The following PPP6C variants were observed in gnomAD, a reference collection of about 807,000 sequenced individuals.
PPP6C encodes the protein protein phosphatase 6 catalytic subunit.
In PPP6C, 11 loss-of-function variants were observed where a neutral mutation model predicts 39.8. That is an observed-to-expected ratio of 0.28 (90% CI 0.17 to 0.46). The LOEUF is 0.46. Among genes scored for constraint, PPP6C ranks in the 20% least tolerant of loss-of-function variants. The pLI, the probability that PPP6C is intolerant of heterozygous loss-of-function variation, is 1.00. For missense variants in PPP6C, 211 were observed against 373.9 expected (o/e 0.56, Z 3.59); for synonymous variants, 129 against 130.3 (o/e 0.99, Z 0.07).
At chr9:125,168,694 T>A (rs1588285911) in intron 2 of PPP6C, among the ~76,000 whole-genome samples, 1 of 151,996 alleles carries the variant, frequency 6.6e-6, no homozygotes, top group Non-Finnish European at 1.5e-5. Context: ...CTTGCCCTCG[T>A]GATCCACCCA....
chr9:125,151,417 C>T (rs1239988538), intron 6 of PPP6C: 1 of 872,742 alleles, frequency 1.1e-6, no homozygotes, highest in East Asian at 2.4e-5. Context: ...TTTCTCACAT[C>T]AACAACGCAT....
chr9:125,189,776 C>T lies in PPP6C; in HGVS notation c.-58G>A, dbSNP rs957427168. 4.2e-5 allele frequency: 64 copies of T among 1,535,642 alleles called. No individual in the cohort carries two copies. The highest frequency in any genetic ancestry group is 5.5e-5 in the Non-Finnish European group (63 of 1,141,842). On this transcript the variant is annotated 5_prime_UTR_variant, in exon 1 of 7. Coordinates refer to ENST00000373547, the MANE Select transcript of PPP6C (RefSeq NM_002721.5). ...GCGGCGGCTGTAGCAGCGGCGGCGG[C>T]AGCGGCGGAGGCCGAAGCCGGAACT...
rs535225139 is a variant in PPP6C, at chr9:125,155,762, G to A, written c.380-1777C>T. 7.8e-4 allele frequency among the ~76,000 whole-genome samples: 118 copies of A among 152,034 alleles called. 1 individual carries two copies. Among genetic ancestry groups the A allele is most frequent in the African/African-American group, 2.1e-3 (89 of 41,488 alleles). On this transcript the variant is annotated intron_variant, in intron 4 of 6. Transcript: ENST00000373547. ...ACTAAAAAATACAAAAAAATTAGCC[G>A]GGCATGGTGGCGGGCGCCTGTAGTC...
intron 1 of PPP6C, among the ~76,000 whole-genome samples, chr9:125,186,925 C>T (rs892833051): frequency 2.1e-5 from 3 of 143,436 alleles, no homozygotes; most frequent in Non-Finnish European, 4.5e-5. Context: ...AGAAGTCCAA[C>T]AGATTTTTCT....
At chr9:125,181,290 C>T (rs1049049948) in intron 1 of PPP6C, among the ~76,000 whole-genome samples, 3 of 152,094 alleles carry the variant, frequency 2.0e-5, no homozygotes, top group African/African-American at 7.2e-5. Context: ...TTCTCCTCAT[C>T]GTGCCCAAAT....
intron 5 of PPP6C, 33 bp from the exon 6 acceptor site, chr9:125,153,775 A>G (rs371674506): frequency 4.6e-5 from 73 of 1,593,680 alleles, no homozygotes; most frequent in Non-Finnish European, 5.9e-5. Flanking sequence ...AGTTGAACAT[A>G]TAACCTCAGG....
chr9:125,181,270 C>CTA (rs897873706), intron 1 of PPP6C, among the ~76,000 whole-genome samples: 8 of 152,156 alleles, frequency 5.3e-5, no homozygotes, highest in Admixed American at 4.6e-4. Context: ...TTAGGGTAAA[C>CTA]TATACCCCTT....
At chr9:125,162,690 C>CT (rs1828910556) in intron 2 of PPP6C, among the ~76,000 whole-genome samples, 1 of 149,724 alleles carries the variant, frequency 6.7e-6, no homozygotes, top group Admixed American at 6.7e-5. Context: ...GCAGGAGAAT[C>CT]ACCTGAACCT....
intron 4 of PPP6C, among the ~76,000 whole-genome samples, chr9:125,157,989 G>A (rs945165176): frequency 1.1e-4 from 16 of 151,830 alleles, no homozygotes; most frequent in African/African-American, 3.9e-4. Context: ...CCACCCGGCC[G>A]GCAATCTACA....
At chr9:125,155,940 T>C (rs955983462) in intron 4 of PPP6C, among the ~76,000 whole-genome samples, 1 of 149,966 alleles carries the variant, frequency 6.7e-6, no homozygotes, top group Admixed American at 6.6e-5. Flanking sequence ...ATATTAGCCA[T>C]ATATAACAAT....
At chr9:125,179,001 G>C (rs1680167825) in intron 1 of PPP6C, among the ~76,000 whole-genome samples, 2 of 152,120 alleles carry the variant, frequency 1.3e-5, no homozygotes, top group Admixed American at 1.3e-4. Flanking sequence ...GATCACCTGA[G>C]GTCAGGAGTT....
At chr9:125,170,256 A>C (rs1470028966) in intron 2 of PPP6C, among the ~76,000 whole-genome samples, 1 of 144,394 alleles carries the variant, frequency 6.9e-6, no homozygotes, top group African/African-American at 2.6e-5. Context: ...TTTTTTTTTT[A>C]GACAGAGTCT....
intron 6 of PPP6C, chr9:125,151,278 T>C: frequency 6.7e-7 from 1 of 1,495,854 alleles, no homozygotes; most frequent in Non-Finnish European, 9.3e-7. Context: ...AAGGATCTGG[T>C]GGCCATCCTT....
intron 4 of PPP6C, among the ~76,000 whole-genome samples, chr9:125,154,216 C>T (rs1836015748): frequency 6.6e-6 from 1 of 152,172 alleles, no homozygotes; most frequent in South Asian, 2.1e-4. Flanking sequence ...CTAAAAAATG[C>T]ATTGTTAGGT....
rs538326736 is a variant in PPP6C at position 125,177,140 on chromosome 9, C to A, written c.76-5960G>T. 1.6e-3 allele frequency among the ~76,000 whole-genome samples: 234 copies of A among 150,490 alleles called. 3 individuals are homozygous for A. The highest frequency in any genetic ancestry group is 5.5e-3 in the African/African-American group (227 of 40,994). On this transcript the variant is annotated intron_variant, in intron 1 of 6. Transcript: ENST00000373547. Reference sequence around the variant, plus strand: ...CTGTAATCCCAGCACTTTGGGGGGTCGAGGCAGGCGGATCACGAGGTCAGG... The same window carrying A: ...CTGTAATCCCAGCACTTTGGGGGGTAGAGGCAGGCGGATCACGAGGTCAGG...
chr9:125,176,372 C>T (rs888913789), intron 1 of PPP6C, among the ~76,000 whole-genome samples: 10 of 152,254 alleles, frequency 6.6e-5, no homozygotes, highest in Admixed American at 4.6e-4. Context: ...TGAAAACAAA[C>T]TGGCCAGGCG....
chr9:125,165,685 G>C (rs1828996503), intron 2 of PPP6C, among the ~76,000 whole-genome samples: 2 of 151,896 alleles, frequency 1.3e-5, no homozygotes, highest in African/African-American at 4.8e-5. Flanking sequence ...ACATTTTCAG[G>C]TAACTGTGCA....
intron 1 of PPP6C, among the ~76,000 whole-genome samples, chr9:125,185,247 ATTT>A (rs569496601): frequency 7.3e-6 from 1 of 137,120 alleles, no homozygotes. Flanking sequence ...CACATATGTC[ATTT>A]TTTTTTTTTT....
In PPP6C at chr9:125,148,189, C is replaced by G. The variant is rs1835853655; in HGVS notation, c.*1484G>C. 6.1e-6 allele frequency: 1 copy of G among 164,402 alleles called. No homozygotes were observed. The highest frequency in any genetic ancestry group is 1.3e-5 in the Non-Finnish European group (1 of 76,044). 10.2% of individuals were successfully genotyped at this position (164,402 alleles called of 1,614,324 possible). ...GATTTTTATTGCATTTTTAGGTAAC[C>G]TGGAAGTTCTTATCCTGAAGGGGAA... On this transcript the variant is annotated 3_prime_UTR_variant, in exon 7 of 7. Coordinates refer to ENST00000373547, the MANE Select transcript of PPP6C (RefSeq NM_002721.5).
Sources: gnomAD v4.1 joint callset for allele counts (sites outside exome capture counted in the v4.1 genomes callset) on GRCh38, gnomAD v4.1.1 for gene constraint, MANE v1.5 for transcripts, NCBI Gene and HGNC (gene_info 2026-07-23, HGNC 2026-07-21) for gene names.